DOCK2: variants seen among roughly 807,000 people sequenced by gnomAD.
The protein encoded by DOCK2 is dedicator of cytokinesis protein 2.
Under a neutral mutation model 248.9 loss-of-function variants are expected in DOCK2, and 87 were observed. The ratio of observed to expected loss-of-function variants is 0.35; its 90% CI spans 0.29 to 0.42. DOCK2 has a LOEUF of 0.42. DOCK2 is among the 10% of genes least tolerant of loss of function. The pLI is 1.00. For synonymous variants in DOCK2, 805 were observed against 821.6 expected, an observed-to-expected ratio of 0.98 and a Z score of 0.35; for missense variants, 1,747 against 2,300.2, an observed-to-expected ratio of 0.76 and a Z score of 4.92.
intron 26 of DOCK2, among the ~76,000 whole-genome samples, chr5:169,807,833 C>CAAAAAAAAAAAAAAAAAAAAAAAAAAAAA (rs61670398): frequency 3.3e-4 from 8 of 24,230 alleles, no homozygotes; most frequent in Non-Finnish European, 5.8e-4. Context: ...GACTCTGTCT[C>CAAAAAAAAAAAAAAAAAAAAAAAAAAAAA]AAAAAAAAAA....
intron 27 of DOCK2, chr5:169,884,199 T>C (rs1165090167): frequency 8.7e-6 from 2 of 230,800 alleles, no homozygotes; most frequent in African/African-American, 4.5e-5. Context: ...CCAAGAGAGC[T>C]GGTAGGCGGT....
At chr5:169,671,980 C>T (rs1176740595) in intron 5 of DOCK2, among the ~76,000 whole-genome samples, 2 of 152,000 alleles carry the variant, frequency 1.3e-5, no homozygotes, top group African/African-American at 4.8e-5. Context: ...TTGTTCATCT[C>T]CACTATACGC....
At chr5:169,998,217 C>T (rs376875963) in intron 30 of DOCK2, among the ~76,000 whole-genome samples, 6 of 152,166 alleles carry the variant, frequency 3.9e-5, no homozygotes, top group African/African-American at 1.4e-4. Flanking sequence ...TCTCTTTCCT[C>T]CCATAGAACT....
intron 23 of DOCK2, among the ~76,000 whole-genome samples, chr5:169,749,063 A>G (rs978912473): frequency 6.6e-6 from 1 of 152,260 alleles, no homozygotes; most frequent in African/African-American, 2.4e-5. Flanking sequence ...TGCTGACATC[A>G]CATGGGCTTC....
At chr5:170,075,740 C>T in intron 46 of DOCK2, 1 of 611,454 alleles carries the variant, frequency 1.6e-6, no homozygotes, top group South Asian at 2.1e-5. Flanking sequence ...AGCTGGGGGT[C>T]TTTCTCTCCT....
At chr5:169,842,569 A>G (rs192540716) in intron 27 of DOCK2, among the ~76,000 whole-genome samples, 1 of 152,264 alleles carries the variant, frequency 6.6e-6, no homozygotes, top group East Asian at 1.9e-4. Context: ...CATGTTGACC[A>G]GGCTGGTCTT....
At chr5:170,069,718 A>G (rs556089756) in intron 46 of DOCK2, among the ~76,000 whole-genome samples, 7 of 152,220 alleles carry the variant, frequency 4.6e-5, no homozygotes, top group Middle Eastern at 3.4e-3. Flanking sequence ...TTGTGAGTCA[A>G]AGGGTCTACA....
At chr5:169,709,409 T>C (rs1761453188) in intron 15 of DOCK2, among the ~76,000 whole-genome samples, 1 of 152,162 alleles carries the variant, frequency 6.6e-6, no homozygotes, top group Admixed American at 6.5e-5. Flanking sequence ...TTTATTAAAA[T>C]AACGTTTTAG....
chr5:169,714,077 C>T lies in DOCK2; in HGVS notation c.1709C>T (p.Ser570Phe), dbSNP rs1450774351. ...GCCAGCGCATACCTGACCCTTCCTTCTTATCGACACCATGTGGAAAACAAG... is the reference window on the plus strand; with the variant it reads ...GCCAGCGCATACCTGACCCTTCCTTTTTATCGACACCATGTGGAAAACAAG... The part of the protein sequence containing the change: ...EDASAYLTLP[S>F]YRHHVENKGA... The change falls in exon 18 of 52, where the codon TCT (serine) becomes TTT (phenylalanine). Residue 570 changes from serine (S) to phenylalanine (F), a missense_variant. Coordinates refer to ENST00000520908, the MANE Select transcript of DOCK2 (RefSeq NM_004946.3). 2 of 1,613,280 alleles carry T rather than the reference C, an allele frequency of 1.2e-6. No homozygotes were observed. The highest frequency in any genetic ancestry group is 3.3e-5 in the Admixed American group (2 of 59,916).
At chr5:169,725,477 T>C (rs1278411144) in intron 22 of DOCK2, among the ~76,000 whole-genome samples, 1 of 147,486 alleles carries the variant, frequency 6.8e-6, no homozygotes, top group East Asian at 2.1e-4. Context: ...TGAGCTGTTT[T>C]TTCTTTTTAT....
At position 169,927,912 on chromosome 5, in the gene DOCK2, G is replaced by A. The variant is rs190064310; in HGVS notation, c.2800-55156G>A. ...ATTACAGGCATGAGACACTGCTCCCGGCCCGAAAAATTCTTTATTCAGGGC... is the reference window on the plus strand; with the variant it reads ...ATTACAGGCATGAGACACTGCTCCCAGCCCGAAAAATTCTTTATTCAGGGC... On this transcript the variant is annotated intron_variant, in intron 27 of 51. Transcript: ENST00000520908. 7.6e-4 allele frequency among the ~76,000 whole-genome samples: 115 copies of A among 152,256 alleles called. 1 individual carries two copies. Among genetic ancestry groups the A allele is most frequent in the South Asian group, 2.1e-3 (10 of 4,824 alleles).
At chr5:169,859,138 G>A (rs1410625080) in intron 27 of DOCK2, among the ~76,000 whole-genome samples, 1 of 152,222 alleles carries the variant, frequency 6.6e-6, no homozygotes, top group Non-Finnish European at 1.5e-5. Context: ...CAGTGGAGAG[G>A]CACGCTGACC....
intron 8 of DOCK2, 40 bp from the exon 9 acceptor site, chr5:169,689,212 G>A (rs369019285): frequency 4.2e-4 from 679 of 1,600,340 alleles, no homozygotes; most frequent in Non-Finnish European, 4.7e-4. Flanking sequence ...TGGATGTCAG[G>A]TCCCTTGGCA....
intron 27 of DOCK2, among the ~76,000 whole-genome samples, chr5:169,869,446 C>T (rs1432119632): frequency 6.6e-6 from 1 of 152,146 alleles, no homozygotes; most frequent in Admixed American, 6.6e-5. Context: ...TTTTTTAGGC[C>T]AAAGCAATTT....
chr5:169,867,929 G>A (rs879222790), intron 27 of DOCK2, among the ~76,000 whole-genome samples: 8 of 152,082 alleles, frequency 5.3e-5, no homozygotes, highest in Non-Finnish European at 8.8e-5. Context: ...TCTGATTCTC[G>A]CCCCTCTAGC....
intron 23 of DOCK2, among the ~76,000 whole-genome samples, chr5:169,748,778 A>G (rs1239311744): frequency 6.6e-6 from 1 of 152,260 alleles, no homozygotes; most frequent in Admixed American, 6.5e-5. Flanking sequence ...ATGATGAGAT[A>G]GAGGAGGAAG....
intron 27 of DOCK2, among the ~76,000 whole-genome samples, chr5:169,887,267 T>G (rs1773025131): frequency 6.6e-6 from 1 of 152,218 alleles, no homozygotes; most frequent in African/African-American, 2.4e-5. Flanking sequence ...ATGTATCCTT[T>G]AGATGTTTTC....
At chr5:170,014,056 C>A (rs114893693) in intron 32 of DOCK2, among the ~76,000 whole-genome samples, 1 of 152,232 alleles carries the variant, frequency 6.6e-6, no homozygotes, top group African/African-American at 2.4e-5. Flanking sequence ...GCCAGAATCC[C>A]TGAATTGGAA....
At chr5:169,743,372 G>A (rs1763430522) in intron 22 of DOCK2, among the ~76,000 whole-genome samples, 1 of 152,166 alleles carries the variant, frequency 6.6e-6, no homozygotes, top group African/African-American at 2.4e-5. Context: ...GGGAGTTTGA[G>A]GCCAGCTTGG....
Sources: gnomAD v4.1 joint callset for allele counts (sites outside exome capture counted in the v4.1 genomes callset) on GRCh38, gnomAD v4.1.1 for gene constraint, MANE v1.5 for transcripts, NCBI Gene and HGNC (gene_info 2026-07-23, HGNC 2026-07-21) for gene names.